The following GALNT13 variants were observed in gnomAD, a reference collection of about 807,000 sequenced individuals.
GALNT13 encodes UDP-GalNAc:polypeptide N-acetylgalactosaminyltransferase 13.
Under a neutral mutation model 64.2 loss-of-function variants are expected in GALNT13, and 28 were observed. The ratio of observed to expected loss-of-function variants is 0.44; its 90% CI spans 0.32 to 0.60. The LOEUF (loss-of-function observed/expected upper bound fraction) is 0.60. Among genes scored for constraint, GALNT13 ranks in the 20% least tolerant of loss-of-function variants. The pLI, the probability that GALNT13 is intolerant of heterozygous loss-of-function variation, is 0.05. For synonymous variants in GALNT13, 214 were observed against 224.6 expected, an observed-to-expected ratio of 0.95 and a Z score of 0.42; for missense variants, 577 against 669.8, an observed-to-expected ratio of 0.86 and a Z score of 1.53.
At chr2:153,148,859 C>A in the GALNT13 span, among the ~76,000 whole-genome samples, 1 of 151,788 alleles carries the variant, frequency 6.6e-6, no homozygotes, top group African/African-American at 2.4e-5. Flanking sequence ...AGGAGGTTAA[C>A]AATCAATTTA....
At chr2:154,203,782 A>T (rs926300716) in intron 4 of GALNT13, among the ~76,000 whole-genome samples, 1 of 152,150 alleles carries the variant, frequency 6.6e-6, no homozygotes, top group Non-Finnish European at 1.5e-5. Context: ...TGTAGCCTGA[A>T]TTAATTCACT....
the GALNT13 span, among the ~76,000 whole-genome samples, chr2:153,174,229 G>A: frequency 7.5e-3 from 1,147 of 152,158 alleles, 5 homozygotes; most frequent in Middle Eastern, 0.017. Context: ...CATTCTTCCC[G>A]TTTTCTGAAA....
chr2:153,227,519 T>C, the GALNT13 span, among the ~76,000 whole-genome samples: 1 of 152,308 alleles, frequency 6.6e-6, no homozygotes, highest in Admixed American at 6.5e-5. Flanking sequence ...TGGCAAAGAA[T>C]TACGGTAATG....
chr2:153,741,597 C>G, the GALNT13 span, among the ~76,000 whole-genome samples: 1 of 151,928 alleles, frequency 6.6e-6, no homozygotes, highest in Non-Finnish European at 1.5e-5. Flanking sequence ...TAATGTTTCC[C>G]ACATTTTATA....
the GALNT13 span, among the ~76,000 whole-genome samples, chr2:153,538,203 A>G: frequency 6.6e-6 from 1 of 151,994 alleles, no homozygotes; most frequent in African/African-American, 2.4e-5. Context: ...GACTCTTGCT[A>G]TGCTTTAGCA....
At position 153,909,948 on chromosome 2, in the gene GALNT13, T is replaced by C. The variant is rs138329537; in HGVS notation, c.-105+8941T>C. 2.4e-3 allele frequency among the ~76,000 whole-genome samples: 364 copies of C among 152,270 alleles called. 8 individuals are homozygous for C. In the East Asian group the frequency reaches 0.055, roughly 23 times the overall value. On this transcript the variant is annotated intron_variant, in intron 2 of 12. Transcript: ENST00000392825. ...TCAGGATGATGCTGGCCTCATAGAA[T>C]GAGTTGGGGAGGAGTCCCTCTTCCT...
At chr2:153,603,941 T>C in the GALNT13 span, among the ~76,000 whole-genome samples, 2 of 152,032 alleles carry the variant, frequency 1.3e-5, no homozygotes, top group African/African-American at 2.4e-5. Context: ...TTATCTGCTG[T>C]GTCTTTGTTA....
chr2:153,574,733 TTGTC>T, the GALNT13 span, among the ~76,000 whole-genome samples: 1 of 151,546 alleles, frequency 6.6e-6, no homozygotes, highest in Non-Finnish European at 1.5e-5. Flanking sequence ...TTTTTTCAGT[TTGTC>T]TGGTGGAATT....
At chr2:153,371,636 A>G in the GALNT13 span, among the ~76,000 whole-genome samples, 1 of 152,220 alleles carries the variant, frequency 6.6e-6, no homozygotes, top group Non-Finnish European at 1.5e-5. Flanking sequence ...GACTGATAAG[A>G]GAAATAATAA....
At chr2:153,357,284 C>G in the GALNT13 span, 1 of 152,106 alleles carries the variant, frequency 6.6e-6, no homozygotes, top group African/African-American at 2.4e-5. Context: ...TGAAAAAAAT[C>G]ATTCAGACTT....
the GALNT13 span, among the ~76,000 whole-genome samples, chr2:153,121,485 C>T: frequency 6.6e-6 from 1 of 152,240 alleles, no homozygotes; most frequent in Non-Finnish European, 1.5e-5. Flanking sequence ...TGTTAATGAG[C>T]TGGTACAGAT....
the GALNT13 span, among the ~76,000 whole-genome samples, chr2:153,631,236 GT>G: frequency 6.6e-6 from 1 of 152,138 alleles, no homozygotes; most frequent in Admixed American, 6.5e-5. Flanking sequence ...TTGGTTCCAA[GT>G]CTTTGCTATT....
chr2:154,210,375 G>A (rs191438731), intron 4 of GALNT13, among the ~76,000 whole-genome samples: 19 of 152,214 alleles, frequency 1.2e-4, no homozygotes, highest in African/African-American at 3.4e-4. Context: ...TGGATTATAT[G>A]GTAGTTCTAT....
At chr2:153,155,686 A>AT in the GALNT13 span, among the ~76,000 whole-genome samples, 1 of 151,892 alleles carries the variant, frequency 6.6e-6, no homozygotes, top group Non-Finnish European at 1.5e-5. Context: ...AGATTCTTTG[A>AT]TTTTTTGAAT....
the GALNT13 span, among the ~76,000 whole-genome samples, chr2:153,118,462 C>T: frequency 6.6e-6 from 1 of 152,120 alleles, no homozygotes; most frequent in Non-Finnish European, 1.5e-5. Flanking sequence ...CTGTTCTGTG[C>T]TCTTTTGGAT....
chr2:154,415,614 T>C (rs1489816844), intron 11 of GALNT13, among the ~76,000 whole-genome samples: 2 of 152,132 alleles, frequency 1.3e-5, no homozygotes, highest in African/African-American at 4.8e-5. Context: ...TATACAAATA[T>C]CTCCTCCTCG....
the GALNT13 span, among the ~76,000 whole-genome samples, chr2:153,768,186 A>G: frequency 6.6e-6 from 1 of 152,228 alleles, no homozygotes; most frequent in Non-Finnish European, 1.5e-5. Flanking sequence ...TTCTGAATTG[A>G]TTAAGACTTG....
chr2:153,886,977 A>G (rs1003842129), intron 1 of GALNT13, among the ~76,000 whole-genome samples: 7 of 151,996 alleles, frequency 4.6e-5, no homozygotes, highest in Admixed American at 3.3e-4. Flanking sequence ...AAAAATTCTT[A>G]TATCTAATTA....
chr2:154,168,380 A>G (rs1685152387), intron 4 of GALNT13, among the ~76,000 whole-genome samples: 1 of 152,144 alleles, frequency 6.6e-6, no homozygotes, highest in African/African-American at 2.4e-5. Context: ...GATGAGATGC[A>G]CCCACATTAT....
Sources: allele counts gnomAD v4.1 joint callset (sites outside exome capture counted in the v4.1 genomes callset), GRCh38; gene constraint gnomAD v4.1.1; transcripts MANE v1.5; gene names NCBI Gene and HGNC (gene_info 2026-07-23, HGNC 2026-07-21).